Variants in TNFRSF10C observed in about 807,000 individuals in gnomAD.
TNFRSF10C encodes the protein tumor necrosis factor receptor superfamily member 10C.
TNFRSF10C carries 17 observed loss-of-function variants against 16.7 expected under a neutral mutation model. That is an observed-to-expected ratio of 1.02 (90% confidence interval 0.70 to 1.53). TNFRSF10C has a LOEUF of 1.53. TNFRSF10C is among the 40% of genes most tolerant of loss of function. TNFRSF10C has a pLI of 0.00. For synonymous variants in TNFRSF10C, 73 were observed against 119.7 expected (o/e 0.61, Z 2.55); for missense variants, 237 against 329.7 (o/e 0.72, Z 2.18).
At chr8:23,103,239 C>T (rs1215589908) in intron 1 of TNFRSF10C, 58 bp downstream of exon 1, 2 of 1,581,442 alleles carry the variant, frequency 1.3e-6, no homozygotes, top group Non-Finnish European at 8.6e-7. Flanking sequence ...CGGGAGGGGG[C>T]AGGGAGACGG....
chr8:23,117,195 T>C lies in TNFRSF10C; in HGVS notation c.*164T>C, dbSNP rs951025561. ...CAAGTCCTGGTGTCTCCAGCCTGGC[T>C]CTATCTTCCTCCTTGTGATCGTCCC... On this transcript the variant is annotated 3_prime_UTR_variant, in exon 5 of 5. Transcript: ENST00000356864. The C allele has an allele frequency of 9.4e-7, 1 of 1,058,872 alleles. No homozygotes were observed. The highest frequency in any genetic ancestry group is 1.3e-6 in the Non-Finnish European group (1 of 742,506). 65.6% of individuals were successfully genotyped at this position (1,058,872 alleles called of 1,614,324 possible). A position where few individuals can be genotyped will look rare whatever the true frequency, so the allele number is the denominator to read the frequency against.
intron 1 of TNFRSF10C, among the ~76,000 whole-genome samples, chr8:23,110,829 TGTGA>T (rs979329442): frequency 2.6e-5 from 4 of 152,226 alleles, no homozygotes; most frequent in African/African-American, 9.6e-5. Context: ...TTTGTGTGTG[TGTGA>T]GTGAGAGACA....
chr8:23,107,502 C>T (rs867352292), intron 1 of TNFRSF10C, among the ~76,000 whole-genome samples: 1 of 152,152 alleles, frequency 6.6e-6, no homozygotes, highest in African/African-American at 2.4e-5. Context: ...GCCCATTATA[C>T]CTCAATGAAT....
chr8:23,105,206 C>G (rs748570354), intron 1 of TNFRSF10C, among the ~76,000 whole-genome samples: 1 of 152,218 alleles, frequency 6.6e-6, no homozygotes, highest in Non-Finnish European at 1.5e-5. Context: ...CTCTGTGACT[C>G]TGGTGTGGCC....
intron 1 of TNFRSF10C, among the ~76,000 whole-genome samples, chr8:23,108,411 G>C (rs924404695): frequency 2.0e-5 from 3 of 152,182 alleles, no homozygotes; most frequent in African/African-American, 7.2e-5. Flanking sequence ...GGCATCGGCT[G>C]TAACCAGTTA....
intron 1 of TNFRSF10C, among the ~76,000 whole-genome samples, chr8:23,105,145 C>A (rs755477494): frequency 2.0e-5 from 3 of 152,176 alleles, no homozygotes; most frequent in Non-Finnish European, 2.9e-5. Context: ...GTCAAGGACT[C>A]CTGAGATTGA....
chr8:23,104,977 A>T (rs2128829661), intron 1 of TNFRSF10C, among the ~76,000 whole-genome samples: 1 of 152,132 alleles, frequency 6.6e-6, no homozygotes, highest in South Asian at 2.1e-4. Context: ...GTGACTTCAG[A>T]TGAGCCTGGA....
At chr8:23,113,228 T>G (rs1365158335) in intron 2 of TNFRSF10C, among the ~76,000 whole-genome samples, 1 of 152,238 alleles carries the variant, frequency 6.6e-6, no homozygotes, top group Non-Finnish European at 1.5e-5. Flanking sequence ...TTTTGAATAT[T>G]GACCCTCATT....
At position 23,117,055 on chromosome 8, in the gene TNFRSF10C, C is replaced by T. The variant is rs1814003422; in HGVS notation, c.*24C>T. On this transcript the variant is annotated 3_prime_UTR_variant, in exon 5 of 5. Coordinates refer to ENST00000356864, the MANE Select transcript of TNFRSF10C (RefSeq NM_003841.5). ...GAAAGACTTCACTGTGGAAGAAATT[C>T]CTTCCTTACCTGAAAGGTTCAGGTA... 6.2e-7 allele frequency: 1 copy of T among 1,607,914 alleles called. No individual in the cohort carries two copies. Among genetic ancestry groups the T allele is most frequent in the Admixed American group, 1.7e-5 (1 of 59,682 alleles).
rs754615566 is a variant in TNFRSF10C, at chr8:23,115,490, C to G, written c.281-18C>G. On this transcript the variant is annotated intron_variant, in intron 3 of 4. Transcript: ENST00000356864. ...CATCAGGGAAACACATTCCCAAAAC[C>G]TTATGCTCTGTTGTCAGATCAAAAA... The G allele has an allele frequency of 6.2e-7, 1 of 1,606,134 alleles. No individual in the cohort carries two copies. Among genetic ancestry groups the G allele is most frequent in the Non-Finnish European group, 8.5e-7 (1 of 1,173,778 alleles).
intron 1 of TNFRSF10C, among the ~76,000 whole-genome samples, chr8:23,104,315 T>G (rs2128829532): frequency 6.6e-6 from 1 of 152,378 alleles, no homozygotes; most frequent in African/African-American, 2.4e-5. Context: ...ATTTTGGAGC[T>G]AACACAAATC....
At position 23,103,167 on chromosome 8, in the gene TNFRSF10C, G is replaced by GCGGTC; in HGVS notation, c.48_52dup (p.Leu18ArgfsTer7). ...CCTAAAGTTCGTCGTCGTCATCGTC[G>GCGGTC]CGGTCCTGCTGCCAGTGAGTCCCGG... On this transcript the variant is annotated frameshift_variant, in exon 1 of 5. Transcript: ENST00000356864. LOFTEE classifies it high-confidence loss of function. The GCGGTC allele has an allele frequency of 6.2e-7, 1 of 1,611,570 alleles. No homozygotes were observed. The highest frequency in any genetic ancestry group is 1.7e-5 in the Admixed American group (1 of 59,738).
chr8:23,111,597 A>G, intron 1 of TNFRSF10C, 123 bp from the exon 2 acceptor site: 1 of 758,588 alleles, frequency 1.3e-6, no homozygotes, highest in Non-Finnish European at 2.3e-6. Flanking sequence ...GAAAGTTTGG[A>G]GCTGGAAAAA....
At chr8:23,116,518 C>T in intron 4 of TNFRSF10C, 123 bp from the exon 5 acceptor site, 1 of 1,363,172 alleles carries the variant, frequency 7.3e-7, no homozygotes, top group Non-Finnish European at 9.9e-7. Flanking sequence ...CCCCTCCAGA[C>T]AGGAGCCTGT....
Position 23,103,185 on chromosome 8 carries a change from A to C in TNFRSF10C, c.60+4A>C. On this transcript the variant is annotated splice_donor_region_variant and intron_variant, in intron 1 of 4. Coordinates refer to ENST00000356864, the MANE Select transcript of TNFRSF10C (RefSeq NM_003841.5). ...CATCGTCGCGGTCCTGCTGCCAGTG[A>C]GTCCCGGCCGCGGTCCCTGGCTGGG... 6.2e-7 allele frequency: 1 copy of C among 1,609,850 alleles called. No homozygotes were observed. Among genetic ancestry groups the C allele is most frequent in the Non-Finnish European group, 8.5e-7 (1 of 1,178,428 alleles).
At chr8:23,108,004 C>T (rs964061902) in intron 1 of TNFRSF10C, among the ~76,000 whole-genome samples, 8 of 152,090 alleles carry the variant, frequency 5.3e-5, no homozygotes, top group African/African-American at 1.4e-4. Context: ...TCCGAGTTAC[C>T]CTACGTTGAA....
At chr8:23,107,656 A>C (rs563306996) in intron 1 of TNFRSF10C, among the ~76,000 whole-genome samples, 2 of 152,364 alleles carry the variant, frequency 1.3e-5, no homozygotes, top group African/African-American at 4.8e-5. Context: ...GGTAATTAAC[A>C]TTAAAATGTG....
At position 23,109,834 on chromosome 8, in the gene TNFRSF10C, G is replaced by A. The variant is rs546115188; in HGVS notation, c.61-1886G>A. Among the ~76,000 whole-genome samples the A allele has an allele frequency of 9.2e-5, 14 of 152,094 alleles. 1 individual carries two copies. The highest frequency in any genetic ancestry group is 4.6e-4 in the Admixed American group (7 of 15,270). On this transcript the variant is annotated intron_variant, in intron 1 of 4. Coordinates refer to ENST00000356864, the MANE Select transcript of TNFRSF10C (RefSeq NM_003841.5). ...TAATCCCAGTACTTTGGGAGGCCCAGGCAGGCAGATCACTTGAGCTCAGGA... is the reference window on the plus strand; with the variant it reads ...TAATCCCAGTACTTTGGGAGGCCCAAGCAGGCAGATCACTTGAGCTCAGGA...
intron 2 of TNFRSF10C, 53 bp from the exon 3 acceptor site, chr8:23,114,604 G>A (rs761221927): frequency 6.9e-5 from 100 of 1,459,594 alleles, no homozygotes; most frequent in Non-Finnish European, 7.8e-5. Flanking sequence ...ACCACTGTCA[G>A]CCTCTGGGAA....
Sources: allele counts gnomAD v4.1 joint callset (sites outside exome capture counted in the v4.1 genomes callset), GRCh38; gene constraint gnomAD v4.1.1; transcripts MANE v1.5; gene names NCBI Gene and HGNC (gene_info 2026-07-23, HGNC 2026-07-21).